Variants in CNTN4 observed in about 807,000 individuals in gnomAD.
CNTN4 encodes contactin-4.
Under a neutral mutation model 122.5 loss-of-function variants are expected in CNTN4, and 77 were observed. The ratio of observed to expected loss-of-function variants is 0.63; its 90% CI spans 0.52 to 0.76. The LOEUF (loss-of-function observed/expected upper bound fraction) is 0.76. Ranked by LOEUF, CNTN4 falls within the 30% of genes least tolerant of loss-of-function variation. The probability of loss-of-function intolerance (pLI) is 0.00; values close to 1 mark genes in which losing one functional copy is unlikely to be tolerated. For synonymous variants in CNTN4, 512 were observed against 447.0 expected, an observed-to-expected ratio of 1.15 and a Z score of -1.83; for missense variants, 1,256 against 1,259.1, an observed-to-expected ratio of 1.00 and a Z score of 0.04.
At chr3:2,590,350 G>C (rs2080409747) in intron 4 of CNTN4, among the ~76,000 whole-genome samples, 1 of 152,064 alleles carries the variant, frequency 6.6e-6, no homozygotes. Context: ...TACGCCTCCT[G>C]GGTTCAAGCA....
At chr3:2,658,724 A>C (rs151100047) in intron 4 of CNTN4, among the ~76,000 whole-genome samples, 1 of 152,278 alleles carries the variant, frequency 6.6e-6, no homozygotes, top group East Asian at 1.9e-4. Context: ...GAGTAGTAGT[A>C]TTCACATTTT....
chr3:2,984,123 T>C (rs1474518058), intron 13 of CNTN4, among the ~76,000 whole-genome samples: 1 of 152,188 alleles, frequency 6.6e-6, no homozygotes, highest in Non-Finnish European at 1.5e-5. Flanking sequence ...GGAAATTGGA[T>C]AGGGAAACTC....
intron 3 of CNTN4, among the ~76,000 whole-genome samples, chr3:2,517,173 G>C (rs1048068991): frequency 6.6e-6 from 1 of 152,090 alleles, no homozygotes; most frequent in African/African-American, 2.4e-5. Context: ...GGATTTGACT[G>C]TACTGGCTGA....
At chr3:2,299,768 A>G (rs950865405) in intron 2 of CNTN4, among the ~76,000 whole-genome samples, 4 of 152,182 alleles carry the variant, frequency 2.6e-5, no homozygotes, top group African/African-American at 4.8e-5. Flanking sequence ...TTTTGAAATC[A>G]GTGTTATATT....
intron 3 of CNTN4, among the ~76,000 whole-genome samples, chr3:2,553,454 A>C (rs1190766492): frequency 1.3e-5 from 2 of 152,202 alleles, no homozygotes; most frequent in East Asian, 3.9e-4. Context: ...TGGAAACCAA[A>C]GTTATTTAAA....
chr3:2,835,731 CA>C (rs1443712018), intron 7 of CNTN4, among the ~76,000 whole-genome samples: 1 of 151,888 alleles, frequency 6.6e-6, no homozygotes, highest in Non-Finnish European at 1.5e-5. Context: ...TGAGAACAAA[CA>C]TATCTACACT....
chr3:2,942,152 G>A (rs1219271558), intron 13 of CNTN4, among the ~76,000 whole-genome samples: 1 of 152,164 alleles, frequency 6.6e-6, no homozygotes, highest in Admixed American at 6.5e-5. Flanking sequence ...TAGTCAATAA[G>A]TGTTCAATAA....
chr3:2,352,404 G>T (rs948877510), intron 3 of CNTN4, among the ~76,000 whole-genome samples: 1 of 152,142 alleles, frequency 6.6e-6, no homozygotes, highest in Non-Finnish European at 1.5e-5. Context: ...GGAAAGGCTC[G>T]GGTGGGAACC....
intron 3 of CNTN4, among the ~76,000 whole-genome samples, chr3:2,501,366 C>G (rs1217867798): frequency 6.6e-6 from 1 of 152,178 alleles, no homozygotes; most frequent in Admixed American, 6.5e-5. Flanking sequence ...TTTTCTATTG[C>G]TGTTGTAACA....
intron 2 of CNTN4, among the ~76,000 whole-genome samples, chr3:2,293,950 C>T (rs2042218452): frequency 6.6e-6 from 1 of 152,184 alleles, no homozygotes; most frequent in Non-Finnish European, 1.5e-5. Context: ...TGACTGGGCT[C>T]TGCTGATGTT....
intron 2 of CNTN4, among the ~76,000 whole-genome samples, chr3:2,338,698 A>G (rs2044059548): frequency 6.6e-6 from 1 of 152,148 alleles, no homozygotes; most frequent in Non-Finnish European, 1.5e-5. Flanking sequence ...TTAAGTCGGT[A>G]GCTTTAAGAG....
intron 2 of CNTN4, among the ~76,000 whole-genome samples, chr3:2,224,873 G>A (rs568294717): frequency 6.6e-5 from 10 of 152,246 alleles, no homozygotes; most frequent in African/African-American, 1.7e-4. Flanking sequence ...GGTTTGGGTC[G>A]GGCGCGGTGG....
intron 2 of CNTN4, among the ~76,000 whole-genome samples, chr3:2,302,287 G>A (rs1262398317): frequency 6.6e-6 from 1 of 152,148 alleles, no homozygotes; most frequent in Non-Finnish European, 1.5e-5. Flanking sequence ...AACTTAGCCG[G>A]CATGGTGGTG....
chr3:2,119,470 G>C (rs540732233), intron 2 of CNTN4, among the ~76,000 whole-genome samples: 1 of 152,300 alleles, frequency 6.6e-6, no homozygotes, highest in African/African-American at 2.4e-5. Flanking sequence ...GACTTTTGCA[G>C]AATGATTAGT....
At chr3:2,579,050 A>G (rs2079820474) in intron 4 of CNTN4, among the ~76,000 whole-genome samples, 1 of 152,218 alleles carries the variant, frequency 6.6e-6, no homozygotes, top group Admixed American at 6.5e-5. Context: ...ATAGGCATGG[A>G]CATGTAGTAG....
intron 4 of CNTN4, among the ~76,000 whole-genome samples, chr3:2,684,851 G>T (rs2085349568): frequency 6.6e-6 from 1 of 152,136 alleles, no homozygotes; most frequent in African/African-American, 2.4e-5. Flanking sequence ...ATGATAAAAG[G>T]AATCGGGAGT....
At chr3:2,548,832 T>G (rs1015256596) in intron 3 of CNTN4, among the ~76,000 whole-genome samples, 1 of 152,208 alleles carries the variant, frequency 6.6e-6, no homozygotes, top group Non-Finnish European at 1.5e-5. Flanking sequence ...TCCTTTTGTT[T>G]GCGTCGTCTC....
intron 14 of CNTN4, among the ~76,000 whole-genome samples, chr3:3,002,239 T>C (rs1028061720): frequency 1.4e-4 from 22 of 152,302 alleles, no homozygotes; most frequent in Admixed American, 1.2e-3. Flanking sequence ...GTGCTAAGCT[T>C]CAGCTCCAGA....
chr3:2,803,818 C>G (rs949791350), intron 6 of CNTN4, among the ~76,000 whole-genome samples: 1 of 151,980 alleles, frequency 6.6e-6, no homozygotes, highest in Admixed American at 6.6e-5. Flanking sequence ...GCCTTGGCCT[C>G]CCAAAGTACT....
Sources: allele counts gnomAD v4.1 joint callset (sites outside exome capture counted in the v4.1 genomes callset), GRCh38; gene constraint gnomAD v4.1.1; transcripts MANE v1.5; gene names NCBI Gene and HGNC (gene_info 2026-07-23, HGNC 2026-07-21).